Variants in NUAK2 observed in about 807,000 individuals in gnomAD.
NUAK2 encodes the protein NUAK family SNF1-like kinase 2.
A neutral mutation model predicts 29.8 loss-of-function variants in NUAK2; 20 were observed. That is an observed-to-expected ratio of 0.67 (90% CI 0.47 to 0.98). The LOEUF is 0.98. Ranked by LOEUF, NUAK2 falls within the 50% of genes least tolerant of loss-of-function variation. The pLI is 0.00. For synonymous variants in NUAK2, 331 were observed against 342.6 expected (o/e 0.97, Z 0.37); for missense variants, 719 against 834.5 (o/e 0.86, Z 1.71).
intron 1 of NUAK2, among the ~76,000 whole-genome samples, chr1:205,315,183 G>A (rs1023762043): frequency 3.9e-5 from 6 of 152,080 alleles, no homozygotes; most frequent in African/African-American, 9.7e-5. Flanking sequence ...GGCCTCTATC[G>A]GTCTCCAAGC....
At chr1:205,312,630 T>C (rs927588683) in intron 1 of NUAK2, among the ~76,000 whole-genome samples, 1 of 152,146 alleles carries the variant, frequency 6.6e-6, no homozygotes, top group Admixed American at 6.5e-5. Flanking sequence ...GGTGAAACCC[T>C]GTCTGTACAA....
In NUAK2 at chr1:205,308,837, C is replaced by T; in HGVS notation, c.353-105G>A. 8 of 1,317,802 alleles carry T rather than the reference C, an allele frequency of 6.1e-6. No homozygotes were observed. The South Asian group carries it at 1.0e-4, about 17-fold the overall frequency. The allele number at this position is 1,317,802 out of a possible 1,614,324, so 81.6% of individuals were successfully genotyped here. A position where few individuals can be genotyped will look rare whatever the true frequency, so the allele number is the denominator to read the frequency against. On this transcript the variant is annotated intron_variant, in intron 2 of 6. Coordinates refer to ENST00000367157, the MANE Select transcript of NUAK2 (RefSeq NM_030952.3). This position sits in a 1 kb window ranked among gnomAD's most constrained non-coding sequence, Gnocchi z 4.1. ...CCCCAGGCCCCAAACCAGACAGGACCCCCCTCCAGGAATATCTGCTAATGG... is the reference window on the plus strand; with the variant it reads ...CCCCAGGCCCCAAACCAGACAGGACTCCCCTCCAGGAATATCTGCTAATGG...
rs1256156693 is a variant in NUAK2 at position 205,303,159 on chromosome 1, G to C, written c.*291C>G. 2.9e-5 allele frequency: 7 copies of C among 241,720 alleles called. 1 individual carries two copies. The East Asian group carries it at 5.9e-4, about 21-fold the overall frequency. 15.0% of individuals were successfully genotyped at this position (241,720 alleles called of 1,614,324 possible). ...AGAGTTCTCTTTCCAGGTCTCTGTG[G>C]CCCCCCCATGTACACAAGAAACAGG... On this transcript the variant is annotated 3_prime_UTR_variant, in exon 7 of 7. Coordinates refer to ENST00000367157, the MANE Select transcript of NUAK2 (RefSeq NM_030952.3).
At chr1:205,311,163 G>C (rs746358842) in intron 2 of NUAK2, among the ~76,000 whole-genome samples, 1 of 152,174 alleles carries the variant, frequency 6.6e-6, no homozygotes, top group Admixed American at 6.5e-5. Flanking sequence ...CAGAGAAGAG[G>C]AGGCCAAGAA....
At chr1:205,312,825 G>T (rs746948972) in intron 1 of NUAK2, among the ~76,000 whole-genome samples, 8 of 152,006 alleles carry the variant, frequency 5.3e-5, no homozygotes, top group Non-Finnish European at 1.0e-4. Flanking sequence ...GAAAAGAAAT[G>T]TAGGAATAAA....
At chr1:205,314,896 G>T (rs1013682811) in intron 1 of NUAK2, among the ~76,000 whole-genome samples, 1 of 152,040 alleles carries the variant, frequency 6.6e-6, no homozygotes, top group African/African-American at 2.4e-5. Flanking sequence ...AATAAATGAG[G>T]TTCCAAAAAA....
intron 5 of NUAK2, among the ~76,000 whole-genome samples, chr1:205,305,864 A>C (rs1227876676): frequency 6.6e-6 from 1 of 152,134 alleles, no homozygotes; most frequent in African/African-American, 2.4e-5. Context: ...GGTGGGTGCC[A>C]CAAAGCCCCA....
chr1:205,302,418 G>A lies in NUAK2; in HGVS notation c.*1032C>T, dbSNP rs1270319208. The A allele has an allele frequency of 1.3e-5, 2 of 152,716 alleles. No individual in the cohort carries two copies. Among genetic ancestry groups the A allele is most frequent in the African/African-American group, 4.8e-5 (2 of 41,456 alleles). The allele number at this position is 152,716 out of a possible 1,614,324, so 9.5% of individuals were successfully genotyped here. On this transcript the variant is annotated 3_prime_UTR_variant, in exon 7 of 7. Transcript: ENST00000367157. ...GAAGTTCTGAGTCACTGAGGTCCAA[G>A]GTGGAGTCCAGAGGAGGCTGGGCCC...
rs1289609687 is a variant in NUAK2, at chr1:205,302,516, C to T, written c.*934G>A. The T allele has an allele frequency of 6.6e-6, 1 of 152,494 alleles. No individual in the cohort carries two copies. The highest frequency in any genetic ancestry group is 1.5e-5 in the Non-Finnish European group (1 of 68,142). 9.4% of individuals were successfully genotyped at this position (152,494 alleles called of 1,614,324 possible). ...GATTCACAGCAGCAACTTCAGGAGG[C>T]TCAGGCCAGGTTTGGAGGATGGAAA... On this transcript the variant is annotated 3_prime_UTR_variant, in exon 7 of 7. Transcript: ENST00000367157.
At chr1:205,315,873 A>T (rs1574895187) in intron 1 of NUAK2, among the ~76,000 whole-genome samples, 2 of 58,314 alleles carry the variant, frequency 3.4e-5, no homozygotes, top group African/African-American at 1.6e-4. Flanking sequence ...CCTCTGTCTT[A>T]AAAAAAAAAT....
At chr1:205,311,485 T>C (rs1662256936) in intron 2 of NUAK2, among the ~76,000 whole-genome samples, 1 of 152,224 alleles carries the variant, frequency 6.6e-6, no homozygotes. Flanking sequence ...TAGATGGGAT[T>C]ACCCCATTTT....
chr1:205,320,468 G>A (rs569103312), intron 1 of NUAK2, among the ~76,000 whole-genome samples: 50 of 152,262 alleles, frequency 3.3e-4, no homozygotes, highest in African/African-American at 1.2e-3. Flanking sequence ...GTTTCACTGT[G>A]TTAGCCAGGA....
chr1:205,312,153 A>G (rs1276107668), intron 1 of NUAK2, among the ~76,000 whole-genome samples: 1 of 152,242 alleles, frequency 6.6e-6, no homozygotes, highest in Admixed American at 6.5e-5. Context: ...CAAACGTGCC[A>G]ATCTGCACCA....
rs1000458589 is a variant in NUAK2, at chr1:205,303,613, T to G, written c.1724A>C (p.Asp575Ala). ...EPPLRGCVSV[D>A]NLTGLEEPPS... The stretch of plus-strand genomic sequence containing the variant: ...GGGCTCCTCAAGCCCCGTGAGGTTG[T>G]CCACAGACACACAGCCCCGCAGTGG... The change falls in exon 7 of 7, where the codon GAC becomes GCC. Residue 575 changes from aspartate (D) to alanine (A), a missense_variant. This residue lies in a region of NUAK2 where 430 missense variants were observed against 465.7 expected (regional missense o/e 0.92). Transcript: ENST00000367157. 2.5e-6 allele frequency: 4 copies of G among 1,609,522 alleles called. No homozygotes were observed. The highest frequency in any genetic ancestry group is 3.4e-6 in the Non-Finnish European group (4 of 1,178,380).
rs1418329431 is a variant in NUAK2 at position 205,321,437 on chromosome 1, G to A, written c.192C>T (p.Tyr64=). The change falls in exon 1 of 7, where the codon TAC becomes TAT. Residue 64 remains tyrosine, a synonymous_variant. Coordinates refer to ENST00000367157, the MANE Select transcript of NUAK2 (RefSeq NM_030952.3). ...EFLETLGKGT[Y]GKVKKARESS... Reference sequence around the variant, plus strand: ...TCTCCCGCGCCTTCTTCACCTTCCCGTAGGTGCCTTTGCCCAGGGTCTCCA... The same window carrying A: ...TCTCCCGCGCCTTCTTCACCTTCCCATAGGTGCCTTTGCCCAGGGTCTCCA... 1 of 1,613,826 alleles carries A rather than the reference G, an allele frequency of 6.2e-7. No individual in the cohort carries two copies. The highest frequency in any genetic ancestry group is 1.7e-5 in the Admixed American group (1 of 60,002).
rs1259225369 is a variant in NUAK2 at position 205,302,310 on chromosome 1, A to G, written c.*1140T>C. The G allele has an allele frequency of 6.5e-6, 1 of 152,686 alleles. No homozygotes were observed. Among genetic ancestry groups the G allele is most frequent in the Non-Finnish European group, 1.5e-5 (1 of 68,062 alleles). The allele number at this position is 152,686 out of a possible 1,614,324, so 9.5% of individuals were successfully genotyped here. On this transcript the variant is annotated 3_prime_UTR_variant, in exon 7 of 7. Coordinates refer to ENST00000367157, the MANE Select transcript of NUAK2 (RefSeq NM_030952.3). ...TTTCCTAAAACACAAAGCCAAGAAC[A>G]TAAAAATAAATATGGACATTCTAGA...
intron 1 of NUAK2, among the ~76,000 whole-genome samples, chr1:205,320,257 G>A (rs58702760): frequency 0.03 from 4,458 of 148,218 alleles, 106 homozygotes; most frequent in South Asian, 0.093. Context: ...TGTTTGTTTC[G>A]TTTTGTTTTG....
At position 205,304,552 on chromosome 1, in the gene NUAK2, C is replaced by A; in HGVS notation, c.824-39G>T. ...GGCAGGTGCTTCAGTTTGGCAGCTC[C>A]CAGAATAGGCACTCCCTGTCCCCTG... On this transcript the variant is annotated intron_variant, in intron 6 of 6. Coordinates refer to ENST00000367157, the MANE Select transcript of NUAK2 (RefSeq NM_030952.3). The surrounding 1 kb of genome is among the most constrained non-coding windows in gnomAD (Gnocchi z 6.5). 7.0e-7 allele frequency: 1 copy of A among 1,438,218 alleles called. No individual in the cohort carries two copies. Among genetic ancestry groups the A allele is most frequent in the Non-Finnish European group, 9.3e-7 (1 of 1,080,452 alleles). 89.1% of individuals were successfully genotyped at this position (1,438,218 alleles called of 1,614,324 possible). A position where few individuals can be genotyped will look rare whatever the true frequency, so the allele number is the denominator to read the frequency against.
chr1:205,305,117 A>T, intron 6 of NUAK2, 82 bp downstream of exon 6: 1 of 1,529,070 alleles, frequency 6.5e-7, no homozygotes, highest in Admixed American at 1.9e-5. Flanking sequence ...GTTTGACTTT[A>T]GTGCCACTGT....
Sources: allele counts gnomAD v4.1 joint callset (sites outside exome capture counted in the v4.1 genomes callset), GRCh38; gene constraint gnomAD v4.1.1; regional missense constraint gnomAD v4.1.1; non-coding constraint Gnocchi (gnomAD v3.1); transcripts MANE v1.5; gene names NCBI Gene and HGNC (gene_info 2026-07-23, HGNC 2026-07-21).